GRB14: variants seen among roughly 807,000 people sequenced by gnomAD.
GRB14 encodes growth factor receptor bound protein 14, also known as growth factor receptor-bound protein 14.
In GRB14, 38 loss-of-function variants were observed where a neutral mutation model predicts 69.1. That is an observed-to-expected ratio of 0.55 (90% CI 0.42 to 0.72). GRB14 has a LOEUF of 0.72. GRB14 is among the 30% of genes least tolerant of loss of function. The probability of loss-of-function intolerance (pLI) is 0.00; values close to 1 mark genes in which losing one functional copy is unlikely to be tolerated. For synonymous variants in GRB14, 247 were observed against 241.3 expected (o/e 1.02, Z -0.22); for missense variants, 666 against 666.1 (o/e 1.00, Z 0.00).
intron 3 of GRB14, among the ~76,000 whole-genome samples, chr2:164,529,003 A>T (rs566601301): frequency 6.6e-5 from 10 of 152,314 alleles, no homozygotes; most frequent in African/African-American, 2.4e-4. Context: ...GTGGAAACCT[A>T]ATGTCCATGT....
At chr2:164,534,555 G>A (rs1158346170) in intron 3 of GRB14, among the ~76,000 whole-genome samples, 2 of 152,060 alleles carry the variant, frequency 1.3e-5, no homozygotes, top group African/African-American at 2.4e-5. Context: ...TGTTGCTGAA[G>A]ACCAACTTTC....
At chr2:164,521,930 C>T (rs776795415) in intron 6 of GRB14, 50 bp downstream of exon 6, 9 of 1,492,068 alleles carry the variant, frequency 6.0e-6, no homozygotes, top group Non-Finnish European at 7.3e-6. Flanking sequence ...CGTGTTTTAA[C>T]TTACAGCTTA....
rs779456143 is a variant in GRB14 at position 164,493,156 on chromosome 2, G to T, written c.1503C>A (p.His501Gln). ...IPVEDDGEMFHTLDDGHTRFT... is the reference protein window; with the variant it reads ...IPVEDDGEMFQTLDDGHTRFT... Reference sequence around the variant, plus strand: ...ATCTTGTGTGGCCATCATCCAGTGTGTGGAACATTTCACCGTCATCTTCTA... The same window carrying T: ...ATCTTGTGTGGCCATCATCCAGTGTTTGGAACATTTCACCGTCATCTTCTA... Residue 501 changes from histidine (H) to glutamine (Q), a missense_variant, in exon 14 of 14, where the codon CAC (histidine) becomes CAA (glutamine). Physicochemically the swap from His to Gln is conservative, Grantham distance 24. Transcript: ENST00000263915. The T allele has an allele frequency of 6.2e-6, 10 of 1,613,048 alleles. No individual in the cohort carries two copies. The Admixed American group carries it at 1.7e-4, about 27-fold the overall frequency.
intron 2 of GRB14, among the ~76,000 whole-genome samples, chr2:164,591,388 C>G (rs1474974735): frequency 6.6e-6 from 1 of 152,124 alleles, no homozygotes. Context: ...TATCCCCCAA[C>G]CAATAACACC....
chr2:164,603,808 CAAAGTT>C (rs1250209792), intron 2 of GRB14, among the ~76,000 whole-genome samples: 3 of 151,882 alleles, frequency 2.0e-5, no homozygotes, highest in Non-Finnish European at 4.4e-5. Flanking sequence ...ACACTATAAA[CAAAGTT>C]AAAGCAAGTC....
chr2:164,508,967 G>T (rs1433298814), intron 6 of GRB14, 115 bp from the exon 7 acceptor site: 3 of 504,320 alleles, frequency 5.9e-6, no homozygotes, highest in South Asian at 8.5e-5. Flanking sequence ...AGTTCAATAT[G>T]ATGCCACAAA....
chr2:164,511,995 C>A (rs923532402), intron 6 of GRB14, among the ~76,000 whole-genome samples: 1 of 152,080 alleles, frequency 6.6e-6, no homozygotes, highest in African/African-American at 2.4e-5. Flanking sequence ...CAGTTGCTAG[C>A]AGTACTCCCT....
At chr2:164,605,365 A>C (rs1335847907) in intron 2 of GRB14, among the ~76,000 whole-genome samples, 3 of 152,208 alleles carry the variant, frequency 2.0e-5, no homozygotes, top group Non-Finnish European at 4.4e-5. Context: ...GAGGAAGAGT[A>C]TTCACTTGTT....
Position 164,508,764 on chromosome 2 carries a change from G to T in GRB14, c.905C>A (p.Thr302Asn). The part of the protein sequence containing the change: ...LAGKKKHGAP[T>N]NYGFCFKPNK... ...TACCTTAAAGCAGAATCCATAGTTA[G>T]TCGGTGCTCCATGTTTTTTTTTGCC... The change falls in exon 7 of 14, where the codon ACT (threonine) becomes AAT (asparagine). Residue 302 changes from threonine to asparagine, a missense_variant. Physicochemically the swap from Thr to Asn is moderately conservative, Grantham distance 65 (BLOSUM62 0). Coordinates refer to ENST00000263915, the MANE Select transcript of GRB14 (RefSeq NM_004490.3). 1 of 1,585,178 alleles carries T rather than the reference G, an allele frequency of 6.3e-7. No individual in the cohort carries two copies. Among genetic ancestry groups the T allele is most frequent in the Non-Finnish European group, 8.5e-7 (1 of 1,169,714 alleles).
intron 6 of GRB14, 87 bp downstream of exon 6, chr2:164,521,893 A>C: frequency 8.3e-7 from 1 of 1,204,012 alleles, no homozygotes; most frequent in Non-Finnish European, 1.2e-6. Context: ...ACATCAAGTA[A>C]TAAAGTAATA....
At chr2:164,569,596 A>ATCTT (rs1689077099) in intron 2 of GRB14, among the ~76,000 whole-genome samples, 1 of 152,222 alleles carries the variant, frequency 6.6e-6, no homozygotes, top group African/African-American at 2.4e-5. Flanking sequence ...CCATTTCGTT[A>ATCTT]TCTTGACTGC....
intron 2 of GRB14, among the ~76,000 whole-genome samples, chr2:164,564,334 T>C (rs1440478832): frequency 6.6e-6 from 1 of 152,192 alleles, no homozygotes; most frequent in Non-Finnish European, 1.5e-5. Flanking sequence ...GCATGGCAAA[T>C]GCTAAGGAAG....
chr2:164,578,369 C>T (rs1298724288), intron 2 of GRB14, among the ~76,000 whole-genome samples: 1 of 151,662 alleles, frequency 6.6e-6, no homozygotes, highest in Non-Finnish European at 1.5e-5. Flanking sequence ...AAATAAAATT[C>T]AAATACAAAA....
intron 2 of GRB14, among the ~76,000 whole-genome samples, chr2:164,577,916 A>G (rs1689291666): frequency 6.6e-6 from 1 of 152,206 alleles, no homozygotes; most frequent in African/African-American, 2.4e-5. Context: ...ATTAGTTTAT[A>G]AATATGTTAG....
intron 2 of GRB14, among the ~76,000 whole-genome samples, chr2:164,567,192 A>G (rs558533475): frequency 6.6e-6 from 1 of 152,304 alleles, no homozygotes; most frequent in South Asian, 2.1e-4. Context: ...TACAATTAGC[A>G]AAAGGCCTCA....
Position 164,492,906 on chromosome 2 carries a change from T to C in GRB14, c.*130A>G. 3.9e-6 allele frequency: 3 copies of C among 764,924 alleles called. No homozygotes were observed. The highest frequency in any genetic ancestry group is 6.0e-6 in the Non-Finnish European group (3 of 498,532). 47.4% of individuals were successfully genotyped at this position (764,924 alleles called of 1,614,324 possible). A position where few individuals can be genotyped will look rare whatever the true frequency, so the allele number is the denominator to read the frequency against. Reference sequence around the variant, plus strand: ...CTTTGCTTATTTGCAATGCACAAACTATTTTTTTGTAACTTGCAGGTGAAA... The same window carrying C: ...CTTTGCTTATTTGCAATGCACAAACCATTTTTTTGTAACTTGCAGGTGAAA... On this transcript the variant is annotated 3_prime_UTR_variant, in exon 14 of 14. Transcript: ENST00000263915.
In GRB14 at chr2:164,619,690, T is replaced by A. The variant is rs150912991; in HGVS notation, c.321A>T (p.Lys107Asn). 5.2e-5 allele frequency: 82 copies of A among 1,577,966 alleles called. No homozygotes were observed. The African/African-American group carries it at 8.1e-4, about 16-fold the overall frequency. ...DLFPKANSRKKQVIKVYSEDE... is the reference protein window; with the variant it reads ...DLFPKANSRKNQVIKVYSEDE... ...TTTAAAATTTAAAAATGCATACCTG[T>A]TTTTTCCTTGAATTTGCTTTGGGAA... The change falls in exon 2 of 14, where the codon AAA (lysine) becomes AAT (asparagine). Residue 107 changes from lysine to asparagine, a missense_variant. Coordinates refer to ENST00000263915, the MANE Select transcript of GRB14 (RefSeq NM_004490.3).
chr2:164,499,168 T>C (rs1240005515), intron 9 of GRB14, among the ~76,000 whole-genome samples: 1 of 152,114 alleles, frequency 6.6e-6, no homozygotes, highest in African/African-American at 2.4e-5. Context: ...GTAGGTTCTG[T>C]AATCTCAACT....
chr2:164,578,812 T>G (rs1047873095), intron 2 of GRB14, among the ~76,000 whole-genome samples: 4 of 152,218 alleles, frequency 2.6e-5, no homozygotes, highest in Non-Finnish European at 5.9e-5. Flanking sequence ...AGGCACTCCT[T>G]TTCTGGTTCT....
Sources: allele counts gnomAD v4.1 joint callset (sites outside exome capture counted in the v4.1 genomes callset), GRCh38; gene constraint gnomAD v4.1.1; transcripts MANE v1.5; gene names NCBI Gene and HGNC (gene_info 2026-07-23, HGNC 2026-07-21).